SNX5: variants seen among roughly 807,000 people sequenced by gnomAD.
SNX5 encodes the protein sorting nexin-5.
In SNX5, 31 loss-of-function variants were observed where a neutral mutation model predicts 53.9. That is an observed-to-expected ratio of 0.58 (90% CI 0.43 to 0.78). The LOEUF (loss-of-function observed/expected upper bound fraction) is 0.78. Ranked by LOEUF, SNX5 falls within the 30% of genes least tolerant of loss-of-function variation. The pLI is 0.00. For missense variants in SNX5, 471 were observed against 478.8 expected (o/e 0.98, Z 0.15); for synonymous variants, 168 against 171.1 (o/e 0.98, Z 0.14).
At chr20:17,958,636 T>C (rs1049725319) in intron 1 of SNX5, among the ~76,000 whole-genome samples, 1 of 152,212 alleles carries the variant, frequency 6.6e-6, no homozygotes, top group Non-Finnish European at 1.5e-5. Context: ...GAATTCTTGA[T>C]AACTCCTATG....
At chr20:17,944,476 A>T (rs540905578) in intron 11 of SNX5, 1 of 152,366 alleles carries the variant, frequency 6.6e-6, no homozygotes, top group Non-Finnish European at 1.5e-5. Flanking sequence ...AAACAGTGAA[A>T]AACTGCTACA....
At chr20:17,960,708 A>C (rs894915437) in intron 1 of SNX5, among the ~76,000 whole-genome samples, 5 of 147,732 alleles carry the variant, frequency 3.4e-5, no homozygotes, top group African/African-American at 1.2e-4. Flanking sequence ...ACTCGGGAGG[A>C]GGAGGTTGCA....
intron 2 of SNX5, among the ~76,000 whole-genome samples, chr20:17,956,296 C>T (rs1427393349): frequency 6.6e-6 from 1 of 152,160 alleles, no homozygotes; most frequent in Non-Finnish European, 1.5e-5. Context: ...ACACTACCTC[C>T]GGAATAACTG....
At chr20:17,952,099 T>A (rs966561122) in intron 5 of SNX5, among the ~76,000 whole-genome samples, 6 of 152,090 alleles carry the variant, frequency 3.9e-5, no homozygotes, top group Non-Finnish European at 8.8e-5. Flanking sequence ...GGTGGGCACC[T>A]GTAATCCTAG....
At chr20:17,959,939 AC>A (rs1030520363) in intron 1 of SNX5, among the ~76,000 whole-genome samples, 11 of 151,868 alleles carry the variant, frequency 7.2e-5, no homozygotes, top group Non-Finnish European at 1.5e-4. Flanking sequence ...GGCTCAGAGT[AC>A]TCCTTAGCCC....
At chr20:17,945,165 A>G (rs1255126360) in intron 11 of SNX5, 2 of 152,260 alleles carry the variant, frequency 1.3e-5, no homozygotes, top group African/African-American at 4.8e-5. Flanking sequence ...CTTGCACTAC[A>G]AGGTGATGTT....
Position 17,964,643 on chromosome 20 carries a change from T to C in SNX5, c.51+3732A>G, listed in dbSNP as rs186771838. Among the ~76,000 whole-genome samples, 323 of 152,344 alleles carry C rather than the reference T, an allele frequency of 2.1e-3. 1 individual carries two copies. Among genetic ancestry groups the C allele is most frequent in the Non-Finnish European group, 3.6e-3 (243 of 68,026 alleles). The stretch of plus-strand genomic sequence containing the variant: ...ACACTTTAATAGCCGTTTCTCACTA[T>C]TGGGATCATTAAAAGTTAGACTGTT... On this transcript the variant is annotated intron_variant, in intron 1 of 12. Transcript: ENST00000377759.
intron 5 of SNX5, 82 bp from the exon 6 acceptor site, chr20:17,951,677 G>A (rs2039570706): frequency 2.1e-6 from 2 of 956,738 alleles, no homozygotes; most frequent in Non-Finnish European, 3.4e-6. Context: ...AACATTTTAA[G>A]TAATCCTCTT....
At chr20:17,942,636 G>A (rs947760336) in intron 12 of SNX5, 4 of 571,008 alleles carry the variant, frequency 7.0e-6, no homozygotes, top group Admixed American at 3.1e-5. Flanking sequence ...AAGAGCCGAC[G>A]TTCACTCCAG....
At chr20:17,957,095 C>T in intron 1 of SNX5, 58 bp from the exon 2 acceptor site, 1 of 1,003,208 alleles carries the variant, frequency 1.0e-6, no homozygotes, top group Non-Finnish European at 1.6e-6. Context: ...AAAATTATTC[C>T]AAAAATGAGT....
intron 1 of SNX5, among the ~76,000 whole-genome samples, chr20:17,960,631 G>T (rs983169378): frequency 1.3e-5 from 2 of 151,704 alleles, no homozygotes; most frequent in Middle Eastern, 3.2e-3. Flanking sequence ...ACACAAATTA[G>T]CCTGGCATGG....
chr20:17,964,039 G>A (rs1435251070), intron 1 of SNX5, among the ~76,000 whole-genome samples: 1 of 152,070 alleles, frequency 6.6e-6, no homozygotes, highest in Non-Finnish European at 1.5e-5. Context: ...ATACCAGCTT[G>A]GGCAACACAG....
At position 17,956,673 on chromosome 20, in the gene SNX5, CAAAAAAAAAAA is replaced by C. The variant is rs59252584; in HGVS notation, c.156+249_156+259del. ...CTGGGCAACACAATGAGACTGTCTC[CAAAAAAAAAAA>C]AAAAAAAAAAAAAAAAAAAACAAAA... On this transcript the variant is annotated intron_variant, in intron 2 of 12. Transcript: ENST00000377759. 5.8e-3 allele frequency among the ~76,000 whole-genome samples: 491 copies of C among 84,860 alleles called. 4 individuals carry two copies. Among genetic ancestry groups the C allele is most frequent in the Non-Finnish European group, 7.9e-3 (360 of 45,552 alleles). The allele number at this position is 84,860 out of a possible 152,430, so 55.7% of individuals were successfully genotyped here. A position where few individuals can be genotyped will look rare whatever the true frequency, so the allele number is the denominator to read the frequency against.
intron 11 of SNX5, chr20:17,944,822 G>C (rs1016873674): frequency 6.6e-6 from 1 of 152,264 alleles, no homozygotes; most frequent in East Asian, 1.9e-4. Context: ...TGGGATTACA[G>C]GCGTGAGCCA....
intron 1 of SNX5, chr20:17,967,723 A>T (rs45462600): frequency 5.0e-6 from 1 of 198,518 alleles, no homozygotes; most frequent in African/African-American, 2.3e-5. Flanking sequence ...ATTTCAATTT[A>T]TTGCATAAAT....
At chr20:17,954,644 A>T (rs769719068) in intron 3 of SNX5, among the ~76,000 whole-genome samples, 1 of 152,204 alleles carries the variant, frequency 6.6e-6, no homozygotes, top group Non-Finnish European at 1.5e-5. Context: ...AATCTCCTTT[A>T]AAATCAGTTA....
intron 11 of SNX5, 57 bp downstream of exon 11, chr20:17,947,429 T>C: frequency 3.2e-6 from 5 of 1,570,232 alleles, no homozygotes; most frequent in Non-Finnish European, 2.6e-6. Flanking sequence ...GTAGAACTTT[T>C]CTAAGTTTGA....
In SNX5 at chr20:17,942,108, A is replaced by T; in HGVS notation, c.*249T>A. ...TTAGTAACTAAAGACGAACTACGGG[A>T]GAACCCAGTATTTGGATTCTGCCCA... On this transcript the variant is annotated 3_prime_UTR_variant, in exon 13 of 13. Transcript: ENST00000377759. The T allele has an allele frequency of 2.2e-6, 1 of 450,470 alleles. No homozygotes were observed. The highest frequency in any genetic ancestry group is 4.3e-5 in the East Asian group (1 of 23,114). 27.9% of individuals were successfully genotyped at this position (450,470 alleles called of 1,614,324 possible).
At chr20:17,955,280 TA>T in intron 3 of SNX5, 84 bp downstream of exon 3, 7 of 911,528 alleles carry the variant, frequency 7.7e-6, no homozygotes, top group Admixed American at 2.5e-5. Context: ...CACAATCCAT[TA>T]AAAAAAGTGG....
Sources: gnomAD v4.1 joint callset for allele counts (sites outside exome capture counted in the v4.1 genomes callset) on GRCh38, gnomAD v4.1.1 for gene constraint, MANE v1.5 for transcripts, NCBI Gene and HGNC (gene_info 2026-07-23, HGNC 2026-07-21) for gene names.